The following ATP8A2 variants were observed in gnomAD, a reference collection of about 807,000 sequenced individuals.
ATP8A2 encodes the protein ATPase phospholipid transporting 8A2.
ATP8A2 carries 100 observed loss-of-function variants against 165.6 expected under a neutral mutation model. The ratio of observed to expected loss-of-function variants is 0.60; its 90% CI spans 0.51 to 0.71. ATP8A2 has a LOEUF of 0.71. Among genes scored for constraint, ATP8A2 ranks in the 30% least tolerant of loss-of-function variants. The pLI, the probability that ATP8A2 is intolerant of heterozygous loss-of-function variation, is 0.00. For missense variants in ATP8A2, 1,227 were observed against 1,479.5 expected (o/e 0.83, Z 2.80); for synonymous variants, 543 against 548.8 (o/e 0.99, Z 0.15).
chr13:25,378,840 A>C (rs769782003), intron 1 of ATP8A2, among the ~76,000 whole-genome samples: 45 of 152,360 alleles, frequency 3.0e-4, no homozygotes, highest in South Asian at 6.2e-4. Context: ...AGAGCAAAGG[A>C]AGTGAGTCTG....
At chr13:25,732,819 T>C (rs1219743178) in intron 25 of ATP8A2, among the ~76,000 whole-genome samples, 1 of 152,234 alleles carries the variant, frequency 6.6e-6, no homozygotes, top group East Asian at 1.9e-4. Flanking sequence ...TACCCTGTAT[T>C]ATTGCTTTTT....
At chr13:26,013,549 C>T (rs943870997) in intron 36 of ATP8A2, among the ~76,000 whole-genome samples, 1 of 152,142 alleles carries the variant, frequency 6.6e-6, no homozygotes, top group Non-Finnish European at 1.5e-5. Context: ...CGGCACATGC[C>T]TGTAATCCCA....
At chr13:25,698,219 C>T (rs1052073075) in intron 24 of ATP8A2, among the ~76,000 whole-genome samples, 3 of 144,116 alleles carry the variant, frequency 2.1e-5, no homozygotes, top group African/African-American at 5.1e-5. Flanking sequence ...AAAACAAGAA[C>T]GTCTGTTTTT....
At chr13:25,635,346 C>A (rs76823032) in intron 24 of ATP8A2, among the ~76,000 whole-genome samples, 5,268 of 152,208 alleles carry the variant, frequency 0.035, 158 homozygotes, top group East Asian at 0.13. Context: ...TAACAGAAAT[C>A]GCCATAGTTT....
At chr13:25,842,792 G>A (rs920442967) in intron 30 of ATP8A2, among the ~76,000 whole-genome samples, 2 of 152,080 alleles carry the variant, frequency 1.3e-5, no homozygotes, top group African/African-American at 4.8e-5. Context: ...AAAGAAGAAA[G>A]AAGGAAAGAA....
Position 25,786,228 on chromosome 13 carries a change from G to A in ATP8A2, c.2679+11269G>A, listed in dbSNP as rs76721996. ...TAAATAATCTCCATTGCGTTCTAAC[G>A]ATACATCTGAGCTGCGATATTGGTT... is the stretch of plus-strand genomic sequence containing the variant. On this transcript the variant is annotated intron_variant, in intron 27 of 36. Transcript: ENST00000381655. 7.9e-5 allele frequency among the ~76,000 whole-genome samples: 12 copies of A among 152,208 alleles called. No individual in the cohort carries two copies. In the East Asian group the frequency reaches 1.5e-3, roughly 20 times the overall value.
intron 35 of ATP8A2, among the ~76,000 whole-genome samples, chr13:25,996,785 G>A (rs1024538001): frequency 6.6e-6 from 1 of 152,238 alleles, no homozygotes; most frequent in South Asian, 2.1e-4. Context: ...CTGGGTTCAA[G>A]CATTTCTTCT....
At chr13:25,897,681 A>G (rs1430194857) in intron 33 of ATP8A2, among the ~76,000 whole-genome samples, 2 of 152,172 alleles carry the variant, frequency 1.3e-5, no homozygotes, top group Non-Finnish European at 2.9e-5. Context: ...CCAATTAGAC[A>G]TAGATTTGGT....
intron 2 of ATP8A2, among the ~76,000 whole-genome samples, chr13:25,528,542 G>T (rs1340681956): frequency 6.6e-6 from 1 of 152,136 alleles, no homozygotes; most frequent in Admixed American, 6.5e-5. Flanking sequence ...TTCCAGGCTT[G>T]GTTGCTGTCC....
chr13:25,808,956 C>T (rs536422089), intron 27 of ATP8A2, among the ~76,000 whole-genome samples: 95 of 152,224 alleles, frequency 6.2e-4, no homozygotes, highest in African/African-American at 2.2e-3. Context: ...ATACAAATCT[C>T]AGAAGGAAGA....
At chr13:25,612,232 C>A (rs151245504) in intron 24 of ATP8A2, among the ~76,000 whole-genome samples, 1 of 152,044 alleles carries the variant, frequency 6.6e-6, no homozygotes, top group Non-Finnish European at 1.5e-5. Context: ...CTTAGATGGT[C>A]TATTTGTGCT....
At chr13:25,705,383 A>G (rs2043035897) in intron 25 of ATP8A2, 1 of 173,478 alleles carries the variant, frequency 5.8e-6, no homozygotes, top group African/African-American at 2.4e-5. Flanking sequence ...GCACTGCCTC[A>G]TTAGCAGATG....
chr13:25,603,128 A>T (rs2040430663), intron 24 of ATP8A2, among the ~76,000 whole-genome samples: 1 of 151,814 alleles, frequency 6.6e-6, no homozygotes, highest in South Asian at 2.1e-4. Context: ...TGTGTATTTG[A>T]CTCCTCTAGG....
At chr13:25,968,284 C>A (rs977525946) in intron 34 of ATP8A2, among the ~76,000 whole-genome samples, 1 of 152,160 alleles carries the variant, frequency 6.6e-6, no homozygotes, top group South Asian at 2.1e-4. Flanking sequence ...CTTCGTGAAC[C>A]CCACCCAGTC....
chr13:25,506,105 G>A (rs577070928), intron 2 of ATP8A2, among the ~76,000 whole-genome samples: 32 of 152,314 alleles, frequency 2.1e-4, no homozygotes, highest in African/African-American at 7.7e-4. Context: ...ATAAAGGACA[G>A]TTACGTTTAG....
At chr13:25,620,291 G>C (rs1172070344) in intron 24 of ATP8A2, among the ~76,000 whole-genome samples, 1 of 152,144 alleles carries the variant, frequency 6.6e-6, no homozygotes, top group Admixed American at 6.5e-5. Flanking sequence ...CAGCAACAGA[G>C]GGACCAGAAC....
chr13:25,746,504 G>A (rs2044034389), intron 25 of ATP8A2, among the ~76,000 whole-genome samples: 1 of 152,212 alleles, frequency 6.6e-6, no homozygotes, highest in African/African-American at 2.4e-5. Flanking sequence ...TGGTGTTTTT[G>A]TAGGTAAATA....
chr13:25,910,740 G>A (rs898351620), intron 33 of ATP8A2, among the ~76,000 whole-genome samples: 3 of 152,096 alleles, frequency 2.0e-5, no homozygotes, highest in Non-Finnish European at 4.4e-5. Context: ...TGGTCTTTGC[G>A]CAATATCCAT....
intron 15 of ATP8A2, among the ~76,000 whole-genome samples, 166 bp downstream of exon 15, chr13:25,559,931 G>A (rs1333570307): frequency 6.6e-6 from 1 of 152,138 alleles, no homozygotes; most frequent in Non-Finnish European, 1.5e-5. Flanking sequence ...GGATTCAAGT[G>A]ATCCTCCTGC....
Sources: allele counts gnomAD v4.1 joint callset (sites outside exome capture counted in the v4.1 genomes callset), GRCh38; gene constraint gnomAD v4.1.1; transcripts MANE v1.5; gene names NCBI Gene and HGNC (gene_info 2026-07-23, HGNC 2026-07-21).